RSU1: variants seen among roughly 807,000 people sequenced by gnomAD.
The protein encoded by RSU1 is Ras suppressor protein 1.
A neutral mutation model predicts 31.1 loss-of-function variants in RSU1; 26 were observed. The observed-to-expected ratio is 0.84, with a 90% CI of 0.61 to 1.16. RSU1 has a LOEUF of 1.16. Ranked by LOEUF, RSU1 falls within the 50% of genes most tolerant of loss-of-function variation. The pLI, the probability that RSU1 is intolerant of heterozygous loss-of-function variation, is 0.00. For synonymous variants in RSU1, 164 were observed against 136.3 expected (o/e 1.20, Z -1.41); for missense variants, 320 against 339.1 (o/e 0.94, Z 0.44).
chr10:16,809,935 A>G (rs11254210), intron 2 of RSU1, among the ~76,000 whole-genome samples: 22,513 of 150,948 alleles, frequency 0.15, 2,137 homozygotes, highest in East Asian at 0.31. Context: ...AAAATTCAAT[A>G]TAAGACCAGG....
intron 8 of RSU1, among the ~76,000 whole-genome samples, chr10:16,621,797 C>A (rs894093688): frequency 6.6e-6 from 1 of 152,178 alleles, no homozygotes; most frequent in African/African-American, 2.4e-5. Context: ...GTCCCTCCCA[C>A]GACACATGGG....
At chr10:16,771,795 G>A (rs1241173594) in intron 3 of RSU1, among the ~76,000 whole-genome samples, 8 of 152,214 alleles carry the variant, frequency 5.3e-5, no homozygotes, top group Admixed American at 2.0e-4. Flanking sequence ...AGTGAATTAC[G>A]GTAGTTCCAG....
chr10:16,667,311 T>C (rs1415911642), intron 8 of RSU1, among the ~76,000 whole-genome samples: 2 of 152,210 alleles, frequency 1.3e-5, no homozygotes, highest in South Asian at 2.1e-4. Context: ...GATTCTGTCT[T>C]GTTATCTTAA....
At chr10:16,670,796 C>T (rs573590991) in intron 8 of RSU1, among the ~76,000 whole-genome samples, 1 of 152,212 alleles carries the variant, frequency 6.6e-6, no homozygotes, top group East Asian at 1.9e-4. Flanking sequence ...CTGAGTCTTG[C>T]TCTTGTCACC....
At chr10:16,743,670 G>T (rs530058291) in intron 7 of RSU1, among the ~76,000 whole-genome samples, 7 of 152,214 alleles carry the variant, frequency 4.6e-5, no homozygotes, top group Admixed American at 2.6e-4. Context: ...TAGGATTTAG[G>T]CAAGAAAACC....
At chr10:16,736,315 T>C (rs1334471448) in intron 7 of RSU1, among the ~76,000 whole-genome samples, 1 of 152,108 alleles carries the variant, frequency 6.6e-6, no homozygotes, top group Non-Finnish European at 1.5e-5. Flanking sequence ...AGATATAAGC[T>C]AAACAATCAC....
At chr10:16,696,933 C>CTAT (rs1200374255) in intron 7 of RSU1, among the ~76,000 whole-genome samples, 1 of 152,094 alleles carries the variant, frequency 6.6e-6, no homozygotes, top group Non-Finnish European at 1.5e-5. Flanking sequence ...CTTATTTCCT[C>CTAT]TTAAAATCTA....
chr10:16,739,556 C>T (rs1305162277), intron 7 of RSU1, among the ~76,000 whole-genome samples: 6 of 150,064 alleles, frequency 4.0e-5, no homozygotes, highest in Non-Finnish European at 5.9e-5. Flanking sequence ...CTGCAAGCTC[C>T]GGCTCCCAGG....
In RSU1 at chr10:16,669,365, GTT is replaced by G. The variant is rs1554765235; in HGVS notation, c.731+25656_731+25657del. ...TGTCTTCTTGAAATTAACATTTTCT[GTT>G]TTTTTTCCCCCCCCAAAGCACCATA... On this transcript the variant is annotated intron_variant, in intron 8 of 8. Coordinates refer to ENST00000345264, the MANE Select transcript of RSU1 (RefSeq NM_012425.4). Among the ~76,000 whole-genome samples the G allele has an allele frequency of 4.0e-3, 593 of 150,080 alleles. 2 individuals carry two copies. Among genetic ancestry groups the G allele is most frequent in the African/African-American group, 0.012 (475 of 41,004 alleles).
intron 7 of RSU1, among the ~76,000 whole-genome samples, chr10:16,726,544 C>A (rs912516909): frequency 5.9e-5 from 9 of 152,100 alleles, no homozygotes; most frequent in African/African-American, 2.2e-4. Flanking sequence ...GGATTACAGG[C>A]GTGAGCCACT....
chr10:16,704,577 G>C (rs1162534413), intron 7 of RSU1, among the ~76,000 whole-genome samples: 1 of 152,152 alleles, frequency 6.6e-6, no homozygotes, highest in African/African-American at 2.4e-5. Flanking sequence ...GATGATTTAG[G>C]AGCACTGGGG....
intron 8 of RSU1, among the ~76,000 whole-genome samples, chr10:16,652,039 C>T (rs999549202): frequency 7.9e-5 from 12 of 151,934 alleles, no homozygotes; most frequent in East Asian, 3.9e-4. Context: ...CATTTATGTA[C>T]GCAAAAACTA....
At position 16,784,831 on chromosome 10, in the gene RSU1, C is replaced by T. The variant is rs531503755; in HGVS notation, c.110-2747G>A. ...ACAGTTACCTACCAGGTCCGTCCCA[C>T]GACATGTAGGAATTATGGGAGCTAT... On this transcript the variant is annotated intron_variant, in intron 2 of 8. Transcript: ENST00000345264. 1.6e-3 allele frequency among the ~76,000 whole-genome samples: 250 copies of T among 152,254 alleles called. 2 individuals carry two copies. Among genetic ancestry groups the T allele is most frequent in the Non-Finnish European group, 1.6e-3 (106 of 68,038 alleles).
At chr10:16,644,845 C>T (rs1308246409) in intron 8 of RSU1, among the ~76,000 whole-genome samples, 1 of 152,050 alleles carries the variant, frequency 6.6e-6, no homozygotes, top group Non-Finnish European at 1.5e-5. Flanking sequence ...AAGAAAACAC[C>T]AGTACAAATA....
At chr10:16,653,755 G>A (rs752816578) in intron 8 of RSU1, among the ~76,000 whole-genome samples, 5 of 151,832 alleles carry the variant, frequency 3.3e-5, no homozygotes, top group South Asian at 2.1e-4. Context: ...AGATAATATC[G>A]GACAAGAGCA....
At chr10:16,763,775 G>T (rs192511619) in intron 4 of RSU1, among the ~76,000 whole-genome samples, 1 of 152,088 alleles carries the variant, frequency 6.6e-6, no homozygotes, top group South Asian at 2.1e-4. Flanking sequence ...CCTGCCCTCC[G>T]TACCTCACAA....
chr10:16,604,336 G>C (rs1051898304), intron 8 of RSU1, among the ~76,000 whole-genome samples: 1 of 152,180 alleles, frequency 6.6e-6, no homozygotes, highest in Non-Finnish European at 1.5e-5. Flanking sequence ...CAAAGCTGGA[G>C]AGAGAACCTG....
rs960112871 is a variant in RSU1, at chr10:16,659,618, A to T, written c.731+35405T>A. ...TCTCTTTGTCTGTAACTACACTGGCACCCTAATACCAGGCTGTCTTCGTTA... is the reference window on the plus strand; with the variant it reads ...TCTCTTTGTCTGTAACTACACTGGCTCCCTAATACCAGGCTGTCTTCGTTA... On this transcript the variant is annotated intron_variant, in intron 8 of 8. Transcript: ENST00000345264. 2.6e-5 allele frequency among the ~76,000 whole-genome samples: 4 copies of T among 152,186 alleles called. No individual in the cohort carries two copies. The East Asian group carries it at 5.8e-4, about 22-fold the overall frequency.
At chr10:16,778,973 G>C (rs779980917) in intron 3 of RSU1, among the ~76,000 whole-genome samples, 3 of 152,332 alleles carry the variant, frequency 2.0e-5, no homozygotes, top group African/African-American at 7.2e-5. Flanking sequence ...CATTGGGCCA[G>C]GATGGCTTTG....
Sources: allele counts gnomAD v4.1 joint callset (sites outside exome capture counted in the v4.1 genomes callset), GRCh38; gene constraint gnomAD v4.1.1; transcripts MANE v1.5; gene names NCBI Gene and HGNC (gene_info 2026-07-23, HGNC 2026-07-21).